Variants in NBEA observed in about 807,000 individuals in gnomAD.
NBEA encodes neurobeachin.
NBEA carries 44 observed loss-of-function variants against 343.4 expected under a neutral mutation model. The ratio of observed to expected loss-of-function variants is 0.13; its 90% CI spans 0.10 to 0.16. The LOEUF is 0.16. Ranked by LOEUF, NBEA falls within the 10% of genes least tolerant of loss-of-function variation. NBEA has a pLI of 1.00. For synonymous variants in NBEA, 1,175 were observed against 1,238.7 expected (o/e 0.95, Z 1.08); for missense variants, 2,555 against 3,631.3 (o/e 0.70, Z 7.62).
intron 45 of NBEA, among the ~76,000 whole-genome samples, chr13:35,581,697 C>G (rs1209068608): frequency 4.0e-5 from 5 of 124,448 alleles, no homozygotes; most frequent in Non-Finnish European, 7.8e-5. Context: ...AACACATGGA[C>G]ACAGGAAGGG....
At chr13:34,998,669 C>T (rs980137354) in intron 1 of NBEA, among the ~76,000 whole-genome samples, 1 of 152,166 alleles carries the variant, frequency 6.6e-6, no homozygotes, top group African/African-American at 2.4e-5. Flanking sequence ...CACCGGCAGT[C>T]AGAGTTTAAG....
At chr13:35,030,563 A>G (rs1406808549) in intron 1 of NBEA, among the ~76,000 whole-genome samples, 1 of 151,662 alleles carries the variant, frequency 6.6e-6, no homozygotes, top group Non-Finnish European at 1.5e-5. Flanking sequence ...AGTTCTTCAT[A>G]GGATCGTTAG....
chr13:35,372,447 G>A (rs1383806366), intron 38 of NBEA, among the ~76,000 whole-genome samples: 1 of 152,154 alleles, frequency 6.6e-6, no homozygotes, highest in African/African-American at 2.4e-5. Context: ...TGGGCACTGG[G>A]GAGGGCAGAT....
At chr13:35,467,258 G>T (rs1467252164) in intron 40 of NBEA, among the ~76,000 whole-genome samples, 1 of 152,104 alleles carries the variant, frequency 6.6e-6, no homozygotes, top group African/African-American at 2.4e-5. Flanking sequence ...CGGATCACAA[G>T]GTCAGGAGTT....
At position 35,416,912 on chromosome 13, in the gene NBEA, G is replaced by A. The variant is rs58473648; in HGVS notation, c.6180-15357G>A. ...GCTATTAATTATTGCCTCAATTTCA[G>A]AACCTGTTATTGGTCTATTCAGGGA... On this transcript the variant is annotated intron_variant, in intron 38 of 58. Coordinates refer to ENST00000379939, the MANE Select transcript of NBEA (RefSeq NM_001385012.1). Among the ~76,000 whole-genome samples, 832 of 152,204 alleles carry A rather than the reference G, an allele frequency of 5.5e-3. 10 individuals carry two copies. The highest frequency in any genetic ancestry group is 0.019 in the African/African-American group (778 of 41,530).
rs2152565588 is a variant in NBEA, at chr13:35,054,815, T to C, written c.973-1195T>C. Among the ~76,000 whole-genome samples the C allele has an allele frequency of 1.3e-5, 2 of 152,120 alleles. 1 individual carries two copies. Among genetic ancestry groups the C allele is most frequent in the South Asian group, 4.2e-4 (2 of 4,818 alleles). ...CATGCCACCAGGCCTGGCTAATTTT[T>C]GTATTTTTAGTAGACACGGGGTTTC... On this transcript the variant is annotated intron_variant, in intron 6 of 58. Transcript: ENST00000379939.
intron 30 of NBEA, among the ~76,000 whole-genome samples, chr13:35,187,176 A>C (rs2071781046): frequency 6.6e-6 from 1 of 151,982 alleles, no homozygotes; most frequent in Non-Finnish European, 1.5e-5. Context: ...TTTCACAAAT[A>C]GTTTGAGAAA....
chr13:35,442,457 G>T (rs1414184526), intron 39 of NBEA, among the ~76,000 whole-genome samples: 1 of 152,064 alleles, frequency 6.6e-6, no homozygotes, highest in African/African-American at 2.4e-5. Flanking sequence ...AATGTGGAGA[G>T]AGTCTGCGTT....
intron 10 of NBEA, among the ~76,000 whole-genome samples, chr13:35,093,295 A>G (rs182416668): frequency 7.6e-6 from 1 of 131,732 alleles, no homozygotes; most frequent in Non-Finnish European, 1.6e-5. Flanking sequence ...TATCTATTTA[A>G]CATTCTCAAA....
chr13:35,667,271 G>A (rs371279097), intron 56 of NBEA, 103 bp from the exon 57 acceptor site: 89 of 927,420 alleles, frequency 9.6e-5, no homozygotes, highest in Non-Finnish European at 8.9e-5. Context: ...GTCCTCTTCC[G>A]TCACATCTGA....
chr13:35,547,132 G>T (rs1300680117), intron 41 of NBEA, among the ~76,000 whole-genome samples: 2 of 152,136 alleles, frequency 1.3e-5, no homozygotes, highest in African/African-American at 2.4e-5. Flanking sequence ...AATTAGGTAG[G>T]TTTTTTGAAA....
chr13:35,459,791 A>G (rs2152951613), intron 40 of NBEA, among the ~76,000 whole-genome samples: 1 of 152,332 alleles, frequency 6.6e-6, no homozygotes, highest in South Asian at 2.1e-4. Context: ...AAACATAATT[A>G]AAATAAACTA....
chr13:35,434,720 G>A (rs138163503), intron 39 of NBEA, among the ~76,000 whole-genome samples: 3 of 152,296 alleles, frequency 2.0e-5, no homozygotes, highest in African/African-American at 7.2e-5. Flanking sequence ...GCTCTCCCTG[G>A]AGTGATCTAT....
chr13:35,010,825 G>A (rs2061473951), intron 1 of NBEA, among the ~76,000 whole-genome samples: 1 of 147,484 alleles, frequency 6.8e-6, no homozygotes, highest in Non-Finnish European at 1.5e-5. Context: ...CTACTTGGAA[G>A]GCTGAGTTAG....
rs191463669 is a variant in NBEA, at chr13:35,224,513, T to C, written c.5649-7979T>C. ...TTTATTGGCCTATCTTCAAATTCAC[T>C]GAGTCTTTCCTTGGCTTCATTGAGT... On this transcript the variant is annotated intron_variant, in intron 33 of 58. Coordinates refer to ENST00000379939, the MANE Select transcript of NBEA (RefSeq NM_001385012.1). 1.5e-3 allele frequency among the ~76,000 whole-genome samples: 230 copies of C among 152,310 alleles called. 1 individual carries two copies. Among genetic ancestry groups the C allele is most frequent in the African/African-American group, 5.4e-3 (224 of 41,580 alleles).
At chr13:35,591,143 T>C (rs2081519301) in intron 46 of NBEA, among the ~76,000 whole-genome samples, 1 of 152,086 alleles carries the variant, frequency 6.6e-6, no homozygotes, top group East Asian at 1.9e-4. Context: ...CCCAAGGTAT[T>C]GTCATTCCCA....
intron 40 of NBEA, among the ~76,000 whole-genome samples, chr13:35,457,675 C>G (rs569378017): frequency 9.2e-5 from 14 of 152,260 alleles, no homozygotes; most frequent in Middle Eastern, 3.4e-3. Flanking sequence ...GTGGCGAGAT[C>G]TCGGTTCACT....
chr13:35,474,984 G>A, intron 41 of NBEA: 1 of 1,457,494 alleles, frequency 6.9e-7, no homozygotes, highest in Non-Finnish European at 9.3e-7. Context: ...TGGAATATTA[G>A]GAATTGAACA....
chr13:35,099,045 A>C, intron 11 of NBEA, among the ~76,000 whole-genome samples: 1 of 96,264 alleles, frequency 1.0e-5, no homozygotes, highest in Non-Finnish European at 2.0e-5. Flanking sequence ...TTTTTTTTTG[A>C]GACAGTGTCT....
Sources: allele counts gnomAD v4.1 joint callset (sites outside exome capture counted in the v4.1 genomes callset), GRCh38; gene constraint gnomAD v4.1.1; transcripts MANE v1.5; gene names NCBI Gene and HGNC (gene_info 2026-07-23, HGNC 2026-07-21).